Variants in BCL2L13 observed in about 807,000 individuals in gnomAD.
The protein encoded by BCL2L13 is BCL2 like 13, also known as bcl-2-like protein 13.
In BCL2L13, 13 loss-of-function variants were observed where a neutral mutation model predicts 25.8. That is an observed-to-expected ratio of 0.50 (90% CI 0.33 to 0.80). The LOEUF is 0.80. BCL2L13 is among the 30% of genes least tolerant of loss of function. The pLI, the probability that BCL2L13 is intolerant of heterozygous loss-of-function variation, is 0.02. For synonymous variants in BCL2L13, 244 were observed against 230.3 expected (o/e 1.06, Z -0.54); for missense variants, 504 against 574.9 (o/e 0.88, Z 1.26).
rs543099737 is a variant in BCL2L13, at chr22:17,694,526, T to A, written c.387-1615T>A. Among the ~76,000 whole-genome samples, 11 of 152,210 alleles carry A rather than the reference T, an allele frequency of 7.2e-5. No homozygotes were observed. In the East Asian group the frequency reaches 7.7e-4, roughly 11 times the overall value. On this transcript the variant is annotated intron_variant, in intron 4 of 6. Coordinates refer to ENST00000317582, the MANE Select transcript of BCL2L13 (RefSeq NM_015367.4). The stretch of plus-strand genomic sequence containing the variant: ...CCATTTAAAAAAAAAAATTTTTTTT[T>A]AATTTTTAGTCTTGCACTGTCTTGC...
chr22:17,730,160 AAAC>A lies in BCL2L13; in HGVS notation c.*2630_*2632del, dbSNP rs2061377482. The A allele has an allele frequency of 6.6e-6, 1 of 152,152 alleles. No individual in the cohort carries two copies. Among genetic ancestry groups the A allele is most frequent in the Non-Finnish European group, 1.5e-5 (1 of 68,036 alleles). The allele number at this position is 152,152 out of a possible 1,614,324, so 9.4% of individuals were successfully genotyped here. A position where few individuals can be genotyped will look rare whatever the true frequency, so the allele number is the denominator to read the frequency against. ...AAGGTAATGATTTATTGGGGGGAAA[AAAC>A]AACGCCAATTTATCCTCTCTGTATT... On this transcript the variant is annotated 3_prime_UTR_variant, in exon 7 of 7. Transcript: ENST00000317582.
At chr22:17,671,142 G>C (rs150208075) in intron 2 of BCL2L13, among the ~76,000 whole-genome samples, 4 of 151,710 alleles carry the variant, frequency 2.6e-5, no homozygotes, top group African/African-American at 9.7e-5. Flanking sequence ...CACCTGTAAT[G>C]CCAACACTTT....
In BCL2L13 at chr22:17,683,119, C is replaced by T. The variant is rs180765038; in HGVS notation, c.122-95C>T. Reference sequence around the variant, plus strand: ...TTGCACTCCAGCCCCAGTGACAGTGCGAGACTCCGTCTCAAAAAAAAAAAA... The same window carrying T: ...TTGCACTCCAGCCCCAGTGACAGTGTGAGACTCCGTCTCAAAAAAAAAAAA... On this transcript the variant is annotated intron_variant, in intron 2 of 6. Transcript: ENST00000317582. 718 of 671,466 alleles carry T rather than the reference C, an allele frequency of 1.1e-3. 13 individuals carry two copies. In the East Asian group the frequency reaches 0.021, roughly 19 times the overall value. The allele number at this position is 671,466 out of a possible 1,614,324, so 41.6% of individuals were successfully genotyped here. A position where few individuals can be genotyped will look rare whatever the true frequency, so the allele number is the denominator to read the frequency against.
intron 1 of BCL2L13, among the ~76,000 whole-genome samples, chr22:17,652,927 T>C (rs1263565517): frequency 1.3e-5 from 2 of 151,628 alleles, no homozygotes; most frequent in African/African-American, 4.8e-5. Context: ...TAGCCGGGCG[T>C]GGTGGCGGGC....
intron 2 of BCL2L13, among the ~76,000 whole-genome samples, chr22:17,663,488 C>G (rs1389260699): frequency 6.6e-6 from 1 of 151,940 alleles, no homozygotes; most frequent in Non-Finnish European, 1.5e-5. Context: ...CATCAAACTC[C>G]CAGAGGAACT....
chr22:17,708,620 C>T (rs2060655439), intron 6 of BCL2L13, among the ~76,000 whole-genome samples: 1 of 152,108 alleles, frequency 6.6e-6, no homozygotes, highest in African/African-American at 2.4e-5. Context: ...AACCCTTTGG[C>T]TTCATTTATT....
At chr22:17,648,850 G>C (rs542706012) in intron 1 of BCL2L13, among the ~76,000 whole-genome samples, 38 of 152,234 alleles carry the variant, frequency 2.5e-4, no homozygotes, top group African/African-American at 8.4e-4. Context: ...TTTGTCTCTG[G>C]CTTTTGGGTT....
chr22:17,667,160 A>G (rs1231130076), intron 2 of BCL2L13, among the ~76,000 whole-genome samples: 1 of 151,960 alleles, frequency 6.6e-6, no homozygotes, highest in African/African-American at 2.4e-5. Context: ...TAGCAGTGGG[A>G]TTGCTGGATC....
rs2058934250 is a variant in BCL2L13 at position 17,657,889 on chromosome 22, C to G, written c.121+2057C>G. On this transcript the variant is annotated intron_variant, in intron 2 of 6. Coordinates refer to ENST00000317582, the MANE Select transcript of BCL2L13 (RefSeq NM_015367.4). ...CACCAGGCTGGAGTTCAATGGCGAT[C>G]TTGGCTCACTGCAACCTCCGACTGC... 2.5e-5 allele frequency among the ~76,000 whole-genome samples: 3 copies of G among 120,872 alleles called. No individual in the cohort carries two copies. The South Asian group carries it at 8.4e-4, about 34-fold the overall frequency. The allele number at this position is 120,872 out of a possible 152,430, so 79.3% of individuals were successfully genotyped here.
chr22:17,645,835 C>T (rs991682871), intron 1 of BCL2L13, among the ~76,000 whole-genome samples: 17 of 151,370 alleles, frequency 1.1e-4, no homozygotes, highest in Non-Finnish European at 2.4e-4. Flanking sequence ...CCTCTTTATC[C>T]AGTTTCCATA....
At chr22:17,705,759 T>C (rs5992797) in intron 6 of BCL2L13, among the ~76,000 whole-genome samples, 17,013 of 152,172 alleles carry the variant, frequency 0.11, 1,141 homozygotes, top group African/African-American at 0.16. Context: ...ATGTCTGTTA[T>C]ATAAAGCCTG....
At chr22:17,649,340 G>A (rs1426688130) in intron 1 of BCL2L13, among the ~76,000 whole-genome samples, 1 of 151,880 alleles carries the variant, frequency 6.6e-6, no homozygotes, top group Admixed American at 6.6e-5. Context: ...CAGGTGATCC[G>A]CCTGCCTCGG....
chr22:17,646,716 CTTT>C (rs10684670), intron 1 of BCL2L13, among the ~76,000 whole-genome samples: 1 of 89,192 alleles, frequency 1.1e-5, no homozygotes, highest in Admixed American at 1.6e-4. Flanking sequence ...AAATATCTGT[CTTT>C]TTTTTTTTTT....
intron 2 of BCL2L13, among the ~76,000 whole-genome samples, chr22:17,667,205 C>G (rs527330744): frequency 2.9e-4 from 44 of 152,188 alleles, no homozygotes; most frequent in African/African-American, 1.1e-3. Context: ...GTTTCCCCCC[C>G]AACCCCACCA....
intron 1 of BCL2L13, 147 bp downstream of exon 1, chr22:17,639,033 C>G (rs942533622): frequency 3.0e-6 from 2 of 656,786 alleles, no homozygotes; most frequent in Admixed American, 4.3e-5. Flanking sequence ...TCTACACCGG[C>G]GCTCCTTCGC....
intron 2 of BCL2L13, among the ~76,000 whole-genome samples, chr22:17,657,827 T>TTTTTTC (rs1330717860): frequency 1.1e-5 from 1 of 90,426 alleles, no homozygotes; most frequent in Non-Finnish European, 2.1e-5. Context: ...ACATTTCTTT[T>TTTTTTC]TTTTTTTTTT....
chr22:17,705,891 G>A (rs796563567), intron 6 of BCL2L13, among the ~76,000 whole-genome samples: 1 of 152,332 alleles, frequency 6.6e-6, no homozygotes, highest in East Asian at 1.9e-4. Flanking sequence ...AGGAGGTGGT[G>A]CCAGCAGCCA....
At chr22:17,653,059 A>G (rs1027413200) in intron 1 of BCL2L13, among the ~76,000 whole-genome samples, 18 of 152,018 alleles carry the variant, frequency 1.2e-4, no homozygotes, top group African/African-American at 3.6e-4. Context: ...AGTGAGACTC[A>G]GTCTCAAAAA....
intron 1 of BCL2L13, among the ~76,000 whole-genome samples, chr22:17,643,701 C>T (rs988828355): frequency 1.3e-5 from 2 of 152,044 alleles, no homozygotes; most frequent in African/African-American, 4.8e-5. Flanking sequence ...GATCTCGGCT[C>T]ACTGCACGCC....
Sources: gnomAD v4.1 joint callset for allele counts (sites outside exome capture counted in the v4.1 genomes callset) on GRCh38, gnomAD v4.1.1 for gene constraint, MANE v1.5 for transcripts, NCBI Gene and HGNC (gene_info 2026-07-23, HGNC 2026-07-21) for gene names.